The following KIDINS220 variants were observed in gnomAD, a reference collection of about 807,000 sequenced individuals.
The protein encoded by KIDINS220 is kinase D interacting substrate 220.
Under a neutral mutation model 157.6 loss-of-function variants are expected in KIDINS220, and 63 were observed. The observed-to-expected ratio is 0.40, with a 90% CI of 0.33 to 0.49. The LOEUF is 0.49. Ranked by LOEUF, KIDINS220 falls within the 20% of genes least tolerant of loss-of-function variation. The pLI is 0.66. For synonymous variants in KIDINS220, 732 were observed against 783.6 expected, an observed-to-expected ratio of 0.93 and a Z score of 1.10; for missense variants, 1,772 against 2,171.2, an observed-to-expected ratio of 0.82 and a Z score of 3.65.
intron 26 of KIDINS220, among the ~76,000 whole-genome samples, chr2:8,744,435 T>C (rs1206758186): frequency 1.8e-5 from 2 of 109,164 alleles, no homozygotes; most frequent in Admixed American, 1.0e-4. Context: ...TATATATATA[T>C]ATATATATAT....
At chr2:8,749,312 T>G in intron 24 of KIDINS220, 1 of 426,664 alleles carries the variant, frequency 2.3e-6, no homozygotes, top group South Asian at 1.7e-5. Context: ...AACTAGGTCC[T>G]ATGTTTTCTC....
At chr2:8,806,194 C>T (rs999113146) in intron 7 of KIDINS220, 77 bp downstream of exon 7, 2 of 1,076,798 alleles carry the variant, frequency 1.9e-6, no homozygotes, top group African/African-American at 1.6e-5. Context: ...TCTAGGCATA[C>T]ACTAAAGAAA....
At chr2:8,778,804 C>A in intron 19 of KIDINS220, 77 bp from the exon 20 acceptor site, 1 of 1,592,486 alleles carries the variant, frequency 6.3e-7, no homozygotes, top group Non-Finnish European at 8.6e-7. Flanking sequence ...TGTGAAACAA[C>A]AACAATATTT....
chr2:8,740,241 T>A, intron 26 of KIDINS220: 1 of 783,720 alleles, frequency 1.3e-6, no homozygotes, highest in Non-Finnish European at 1.5e-6. Flanking sequence ...ACACATCCGA[T>A]GCACAACTAT....
chr2:8,730,904 A>C lies in KIDINS220; in HGVS notation c.5132T>G (p.Val1711Gly). 4 of 1,614,148 alleles carry C rather than the reference A, an allele frequency of 2.5e-6. No individual in the cohort carries two copies. The highest frequency in any genetic ancestry group is 3.4e-6 in the Non-Finnish European group (4 of 1,180,028). ...GGGACTGGAACTAGGCCTCAAAATG[A>C]CTTGAGAAGTCTCCCTAATTCCCTC... ...EMEGIRETSQ[V>G]ILRPSSSPNP... The change falls in exon 30 of 30, where the codon GTC becomes GGC. Residue 1711 changes from valine (V) to glycine (G), a missense_variant. Physicochemically the swap from Val to Gly is moderately radical, Grantham distance 109 (BLOSUM62 -3). Transcript: ENST00000256707.
chr2:8,804,616 A>C (rs1264031842), intron 7 of KIDINS220, among the ~76,000 whole-genome samples: 1 of 152,234 alleles, frequency 6.6e-6, no homozygotes, highest in East Asian at 1.9e-4. Flanking sequence ...AAAATATCCC[A>C]AAAATTACAA....
At position 8,786,048 on chromosome 2, in the gene KIDINS220, G is replaced by C. The variant is rs1558418753; in HGVS notation, c.1940-18C>G. On this transcript the variant is annotated intron_variant, in intron 16 of 29. Coordinates refer to ENST00000256707, the MANE Select transcript of KIDINS220 (RefSeq NM_020738.4). ...CTTTTTACCTGTAATGCAACAAATG[G>C]TTTTAATAATTAACATATCAAGGAT... is the stretch of plus-strand genomic sequence containing the variant. The C allele has an allele frequency of 4.4e-6, 7 of 1,587,350 alleles. No individual in the cohort carries two copies. In the East Asian group the frequency reaches 1.6e-4, roughly 35 times the overall value.
In KIDINS220 at chr2:8,736,692, A is replaced by G. The variant is rs1258395956; in HGVS notation, c.3717+176T>C. 4.6e-5 allele frequency among the ~76,000 whole-genome samples: 7 copies of G among 152,354 alleles called. No homozygotes were observed. The East Asian group carries it at 1.3e-3, about 29-fold the overall frequency. Reference sequence around the variant, plus strand: ...ATTTTATCCATTTATAAAATAAGAGAAAACAGGGCAATTTTAGAATACAAA... The same window carrying G: ...ATTTTATCCATTTATAAAATAAGAGGAAACAGGGCAATTTTAGAATACAAA... On this transcript the variant is annotated intron_variant, in intron 27 of 29. Coordinates refer to ENST00000256707, the MANE Select transcript of KIDINS220 (RefSeq NM_020738.4).
chr2:8,787,982 A>G (rs974798183), intron 15 of KIDINS220, among the ~76,000 whole-genome samples: 1 of 152,184 alleles, frequency 6.6e-6, no homozygotes, highest in Non-Finnish European at 1.5e-5. Flanking sequence ...CTGGGGACCA[A>G]GGCCAGTGGC....
chr2:8,827,198 C>A, intron 1 of KIDINS220, 69 bp from the exon 2 acceptor site: 1 of 617,934 alleles, frequency 1.6e-6, no homozygotes, highest in South Asian at 2.3e-5. Context: ...AATACAATAT[C>A]CTTCTTAACA....
chr2:8,810,249 A>T (rs1055823479), intron 6 of KIDINS220, among the ~76,000 whole-genome samples: 3 of 152,128 alleles, frequency 2.0e-5, no homozygotes, highest in Non-Finnish European at 2.9e-5. Flanking sequence ...TGCATTTTAC[A>T]TGGCCCACTT....
chr2:8,827,598 C>G (rs185599791), intron 1 of KIDINS220, among the ~76,000 whole-genome samples: 1 of 152,154 alleles, frequency 6.6e-6, no homozygotes, highest in Non-Finnish European at 1.5e-5. Context: ...CCACCCTGGA[C>G]GAGCCACCGT....
intron 26 of KIDINS220, among the ~76,000 whole-genome samples, chr2:8,738,705 T>G (rs1398838860): frequency 6.6e-6 from 1 of 152,344 alleles, no homozygotes; most frequent in Non-Finnish European, 1.5e-5. Flanking sequence ...ACCAAGAAAC[T>G]GTCACAGATT....
At chr2:8,727,213 C>T (rs1054340114), downstream of KIDINS220, 7 of 1,127,530 alleles carry the variant, frequency 6.2e-6, no homozygotes, top group African/African-American at 1.6e-5. Flanking sequence ...GCTGCCCCCG[C>T]AAAAGAACAG....
Position 8,730,890 on chromosome 2 carries a change from T to C in KIDINS220, c.5146A>G (p.Ser1716Gly). The C allele has an allele frequency of 6.2e-7, 1 of 1,614,226 alleles. No homozygotes were observed. Among genetic ancestry groups the C allele is most frequent in the Non-Finnish European group, 8.5e-7 (1 of 1,180,046 alleles). Residue 1716 changes from serine to glycine, a missense_variant, in exon 30 of 30, where the codon AGT (serine) becomes GGT (glycine). By Grantham distance (56) the Ser-to-Gly change is moderately conservative. Transcript: ENST00000256707. ...ATAGTGGTTGGGTTGGGACTGGAAC[T>C]AGGCCTCAAAATGACTTGAGAAGTC... ...RETSQVILRP[S>G]SSPNPTTIQN...
chr2:8,798,843 T>C (rs191331275), intron 9 of KIDINS220, among the ~76,000 whole-genome samples: 158 of 152,224 alleles, frequency 1.0e-3, no homozygotes, highest in African/African-American at 3.4e-3. Flanking sequence ...ACCTTGAAAG[T>C]AGAGCTAGAG....
At chr2:8,795,755 A>G (rs1395859242) in intron 11 of KIDINS220, among the ~76,000 whole-genome samples, 1 of 152,260 alleles carries the variant, frequency 6.6e-6, no homozygotes, top group Non-Finnish European at 1.5e-5. Flanking sequence ...ATATTATATA[A>G]TTAACAAGGC....
Position 8,730,216 on chromosome 2 carries a change from G to A in KIDINS220, c.*504C>T, listed in dbSNP as rs559422513. On this transcript the variant is annotated 3_prime_UTR_variant, in exon 30 of 30. Transcript: ENST00000256707. ...AAGCAATACCCCTGCCATACAGAACGCTGGATCTCGGTTTACTCAGCCTCT... is the reference window on the plus strand; with the variant it reads ...AAGCAATACCCCTGCCATACAGAACACTGGATCTCGGTTTACTCAGCCTCT... The A allele has an allele frequency of 6.1e-6, 6 of 987,458 alleles. No individual in the cohort carries two copies. Among genetic ancestry groups the A allele is most frequent in the Non-Finnish European group, 7.2e-6 (6 of 831,596 alleles). The allele number at this position is 987,458 out of a possible 1,614,324, so 61.2% of individuals were successfully genotyped here. A position where few individuals can be genotyped will look rare whatever the true frequency, so the allele number is the denominator to read the frequency against.
At chr2:8,756,848 A>G (rs541993009) in intron 22 of KIDINS220, among the ~76,000 whole-genome samples, 374 of 152,342 alleles carry the variant, frequency 2.5e-3, no homozygotes, top group African/African-American at 8.8e-3. Flanking sequence ...TTGGCAGGAC[A>G]CAAACATTCG....
Sources: allele counts gnomAD v4.1 joint callset (sites outside exome capture counted in the v4.1 genomes callset), GRCh38; gene constraint gnomAD v4.1.1; transcripts MANE v1.5; gene names NCBI Gene and HGNC (gene_info 2026-07-23, HGNC 2026-07-21).